ATXN2: variants seen among roughly 807,000 people sequenced by gnomAD.
ATXN2 encodes ataxin 2.
A neutral mutation model predicts 138.6 loss-of-function variants in ATXN2; 37 were observed. The observed-to-expected ratio is 0.27, with a 90% CI of 0.21 to 0.35. The LOEUF is 0.35. ATXN2 is among the 10% of genes least tolerant of loss of function. The probability of loss-of-function intolerance (pLI) is 1.00; values close to 1 mark genes in which losing one functional copy is unlikely to be tolerated. For missense variants in ATXN2, 1,216 were observed against 1,480.3 expected, an observed-to-expected ratio of 0.82 and a Z score of 2.93; for synonymous variants, 549 against 543.7, an observed-to-expected ratio of 1.01 and a Z score of -0.13.
chr12:111,504,130 T>C (rs1271462979), intron 14 of ATXN2, among the ~76,000 whole-genome samples: 1 of 152,208 alleles, frequency 6.6e-6, no homozygotes, highest in Non-Finnish European at 1.5e-5. Context: ...ACTGAAAAAG[T>C]ACAGCCTTTT....
intron 6 of ATXN2, among the ~76,000 whole-genome samples, chr12:111,522,332 C>A (rs1355037518): frequency 6.6e-6 from 1 of 152,082 alleles, no homozygotes; most frequent in Admixed American, 6.5e-5. Flanking sequence ...GAGTTCTGGC[C>A]GGGCACGGTG....
intron 18 of ATXN2, among the ~76,000 whole-genome samples, chr12:111,483,194 T>TACACACACACACACAC (rs59840296): frequency 1.0e-5 from 1 of 95,422 alleles, no homozygotes; most frequent in African/African-American, 5.3e-5. Flanking sequence ...ATCAAACACA[T>TACACACACACACACAC]ACACACACAC....
rs1157867674 is a variant in ATXN2 at position 111,524,080 on chromosome 12, T to C, written c.696+1112A>G. Among the ~76,000 whole-genome samples, 5 of 152,200 alleles carry C rather than the reference T, an allele frequency of 3.3e-5. No homozygotes were observed. The East Asian group carries it at 5.8e-4, about 18-fold the overall frequency. On this transcript the variant is annotated intron_variant, in intron 6 of 24. Coordinates refer to ENST00000673436, the MANE Select transcript of ATXN2 (RefSeq NM_001372574.1). ...TCTATCAATTTATCCACCTCACCAA[T>C]AGTGTAAAAGAAGTCTCTGTTTCCT...
At chr12:111,475,839 T>C (rs1430287827) in intron 18 of ATXN2, among the ~76,000 whole-genome samples, 1 of 151,784 alleles carries the variant, frequency 6.6e-6, no homozygotes, top group Non-Finnish European at 1.5e-5. Flanking sequence ...GAGTGAAAAA[T>C]CCAGAAACAA....
chr12:111,580,571 G>C (rs1883937230), intron 1 of ATXN2, among the ~76,000 whole-genome samples: 1 of 149,514 alleles, frequency 6.7e-6, no homozygotes, highest in Non-Finnish European at 1.5e-5. Context: ...AGCTACTAAG[G>C]AGGCAGAATC....
chr12:111,593,023 G>C (rs140598278), intron 1 of ATXN2, among the ~76,000 whole-genome samples: 2 of 152,056 alleles, frequency 1.3e-5, no homozygotes, highest in African/African-American at 4.8e-5. Flanking sequence ...ACTTTGCTAA[G>C]GTGACAGTTC....
intron 1 of ATXN2, among the ~76,000 whole-genome samples, chr12:111,560,262 TAAC>T (rs1310927324): frequency 6.6e-6 from 1 of 152,104 alleles, no homozygotes; most frequent in African/African-American, 2.4e-5. Context: ...AAAAAATATA[TAAC>T]AACTATTTAC....
chr12:111,598,917 C>A lies in ATXN2; in HGVS notation c.118G>T (p.Gly40Cys). ...GGCGACGCTAGAAGGCCGCTGCCGCCGGGCTTGCGGACATTGGCAGCCGCG... is the reference window on the plus strand; with the variant it reads ...GGCGACGCTAGAAGGCCGCTGCCGCAGGGCTTGCGGACATTGGCAGCCGCG... ...PPAAANVRKP[G>C]GSGLLASPAA... is the part of the protein sequence containing the mutation. Residue 40 changes from glycine (G) to cysteine (C), a missense_variant, in exon 1 of 25, where the codon GGC becomes TGC. Coordinates refer to ENST00000673436, the MANE Select transcript of ATXN2 (RefSeq NM_001372574.1). The surrounding 1 kb of genome is among the most constrained non-coding windows in gnomAD (Gnocchi z 4.5). 2 of 1,508,872 alleles carry A rather than the reference C, an allele frequency of 1.3e-6. No individual in the cohort carries two copies. The highest frequency in any genetic ancestry group is 1.8e-6 in the Non-Finnish European group (2 of 1,134,292). The allele number at this position is 1,508,872 out of a possible 1,614,324, so 93.5% of individuals were successfully genotyped here.
At chr12:111,452,948 A>T (rs1376981998) in intron 24 of ATXN2, 108 bp from the exon 25 acceptor site, 3 of 1,376,440 alleles carry the variant, frequency 2.2e-6, no homozygotes, top group African/African-American at 2.9e-5. Context: ...AGCTGAACAA[A>T]ACTCAAAATT....
chr12:111,531,205 G>C (rs1374719565), intron 5 of ATXN2, among the ~76,000 whole-genome samples: 7 of 152,050 alleles, frequency 4.6e-5, no homozygotes, highest in Non-Finnish European at 1.0e-4. Context: ...ATGAGGTCAA[G>C]AGATCGAGAC....
chr12:111,574,168 C>T (rs1434052850), intron 1 of ATXN2, among the ~76,000 whole-genome samples: 1 of 151,176 alleles, frequency 6.6e-6, no homozygotes, highest in South Asian at 2.1e-4. Context: ...ATTAGCCGGG[C>T]GTGGTGGCGG....
chr12:111,569,948 C>T (rs1357911762), intron 1 of ATXN2, among the ~76,000 whole-genome samples: 1 of 152,144 alleles, frequency 6.6e-6, no homozygotes, highest in Non-Finnish European at 1.5e-5. Flanking sequence ...TGTCCTATGT[C>T]ATGCTGTCCA....
intron 5 of ATXN2, among the ~76,000 whole-genome samples, chr12:111,530,863 C>T (rs113634993): frequency 2.0e-5 from 3 of 152,082 alleles, no homozygotes; most frequent in African/African-American, 4.8e-5. Context: ...CAGTGGCTGA[C>T]GCCTGTAATC....
chr12:111,455,191 A>C, intron 23 of ATXN2: 9 of 698,228 alleles, frequency 1.3e-5, no homozygotes, highest in Non-Finnish European at 7.9e-6. Flanking sequence ...CTGTTATGAA[A>C]GTAGCAGAGA....
In ATXN2 at chr12:111,516,431, A is replaced by AG. The variant is rs2135736994; in HGVS notation, c.1166-69dup. 7.3e-7 allele frequency: 1 copy of AG among 1,372,564 alleles called. No homozygotes were observed. The allele number at this position is 1,372,564 out of a possible 1,614,324, so 85.0% of individuals were successfully genotyped here. On this transcript the variant is annotated intron_variant, in intron 9 of 24. Coordinates refer to ENST00000673436, the MANE Select transcript of ATXN2 (RefSeq NM_001372574.1). The surrounding 1 kb of genome is among the most constrained non-coding windows in gnomAD (Gnocchi z 5.0). ...AAAAAAATGAGGGAAAAAAGTAAAC[A>AG]GAAAAAAAGTAAAATGACAAAAATG...
chr12:111,550,062 CAAAAAA>C (rs11360314), intron 5 of ATXN2, among the ~76,000 whole-genome samples: 1 of 78,960 alleles, frequency 1.3e-5, no homozygotes, highest in Non-Finnish European at 3.2e-5. Flanking sequence ...ACTCCGTCTC[CAAAAAA>C]AAAAAAAAAA....
intron 14 of ATXN2, among the ~76,000 whole-genome samples, chr12:111,493,335 G>A (rs1878167207): frequency 1.4e-5 from 2 of 145,802 alleles, no homozygotes; most frequent in Admixed American, 7.1e-5. Flanking sequence ...CAGAAGAATC[G>A]CTTGAACCTG....
chr12:111,535,777 G>A (rs1002436862), intron 5 of ATXN2, among the ~76,000 whole-genome samples: 1 of 151,906 alleles, frequency 6.6e-6, no homozygotes, highest in Non-Finnish European at 1.5e-5. Flanking sequence ...GAGGTGGGCG[G>A]ATCACGAGGT....
chr12:111,524,100 T>C (rs1462767227), intron 6 of ATXN2, among the ~76,000 whole-genome samples: 1 of 152,150 alleles, frequency 6.6e-6, no homozygotes, highest in African/African-American at 2.4e-5. Context: ...GAAGTCTCTG[T>C]TTCCTCATAT....
Sources: allele counts gnomAD v4.1 joint callset (sites outside exome capture counted in the v4.1 genomes callset), GRCh38; gene constraint gnomAD v4.1.1; non-coding constraint Gnocchi (gnomAD v3.1); transcripts MANE v1.5; gene names NCBI Gene and HGNC (gene_info 2026-07-23, HGNC 2026-07-21).